TTC17: variants seen among roughly 807,000 people sequenced by gnomAD.
TTC17 encodes tetratricopeptide repeat domain 17, also known as tetratricopeptide repeat protein 17.
Under a neutral mutation model 143.8 loss-of-function variants are expected in TTC17, and 58 were observed. That is an observed-to-expected ratio of 0.40 (90% CI 0.33 to 0.50). The LOEUF (loss-of-function observed/expected upper bound fraction) is 0.50, where lower values mean the gene tolerates loss of function less well. Ranked by LOEUF, TTC17 falls within the 20% of genes least tolerant of loss-of-function variation. The probability of loss-of-function intolerance (pLI) is 0.49; values close to 1 mark genes in which losing one functional copy is unlikely to be tolerated. For synonymous variants in TTC17, 501 were observed against 497.8 expected (o/e 1.01, Z -0.09); for missense variants, 1,273 against 1,392.5 (o/e 0.91, Z 1.37).
In TTC17 at chr11:43,404,150, T is replaced by C. The variant is rs752374874; in HGVS notation, c.1479+6T>C. ...GGGACTCTGATGCATATAGGGTAAG[T>C]TAATAGAGGATGACGAAGCAGTTTT... On this transcript the variant is annotated splice_donor_region_variant and intron_variant, in intron 11 of 23. Transcript: ENST00000039989. The C allele has an allele frequency of 1.3e-6, 2 of 1,599,974 alleles. No homozygotes were observed. Among genetic ancestry groups the C allele is most frequent in the Non-Finnish European group, 1.7e-6 (2 of 1,175,332 alleles).
At chr11:43,382,593 AAT>A (rs1464634349) in intron 2 of TTC17, among the ~76,000 whole-genome samples, 1 of 152,268 alleles carries the variant, frequency 6.6e-6, no homozygotes, top group Non-Finnish European at 1.5e-5. Context: ...CTTGCCAAAA[AAT>A]AATCAAACCA....
At chr11:43,468,457 A>C (rs1948024153) in intron 21 of TTC17, 1 of 152,172 alleles carries the variant, frequency 6.6e-6, no homozygotes, top group African/African-American at 2.4e-5. Flanking sequence ...TAGAAGAAAA[A>C]ACCCATACCT....
chr11:43,462,013 G>A (rs917562757), intron 21 of TTC17, among the ~76,000 whole-genome samples: 1 of 151,216 alleles, frequency 6.6e-6, no homozygotes, highest in Non-Finnish European at 1.5e-5. Flanking sequence ...TAGTACAATG[G>A]CGAATATAGA....
intron 16 of TTC17, among the ~76,000 whole-genome samples, chr11:43,432,466 A>G: frequency 6.6e-6 from 1 of 152,204 alleles, no homozygotes; most frequent in East Asian, 1.9e-4. Flanking sequence ...ATTAGATGCT[A>G]AATGCTTTGC....
chr11:43,417,646 G>C (rs908908859), intron 16 of TTC17, among the ~76,000 whole-genome samples: 2 of 152,094 alleles, frequency 1.3e-5, no homozygotes, highest in African/African-American at 4.8e-5. Context: ...GACCAGCCTG[G>C]CCAACATGGT....
At chr11:43,451,335 C>A in intron 21 of TTC17, 70 bp downstream of exon 21, 1 of 1,405,832 alleles carries the variant, frequency 7.1e-7, no homozygotes, top group East Asian at 2.3e-5. Context: ...TTATTTGCTC[C>A]TAAGTGTCTG....
At chr11:43,450,054 A>C (rs767478179) in intron 19 of TTC17, 28 bp from the exon 20 acceptor site, 3 of 1,601,406 alleles carry the variant, frequency 1.9e-6, no homozygotes, top group East Asian at 2.3e-5. Flanking sequence ...AATTTCCCAT[A>C]GCTAATGTGG....
chr11:43,467,951 G>T (rs956860927), intron 21 of TTC17, among the ~76,000 whole-genome samples: 1 of 150,944 alleles, frequency 6.6e-6, no homozygotes, highest in Non-Finnish European at 1.5e-5. Flanking sequence ...GTTTGAAGAG[G>T]TAATGGCTCA....
chr11:43,375,001 A>G (rs1856709201), intron 1 of TTC17, among the ~76,000 whole-genome samples: 1 of 152,218 alleles, frequency 6.6e-6, no homozygotes, highest in Admixed American at 6.5e-5. Context: ...ATAACACATC[A>G]ATACTTTCTG....
At chr11:43,364,596 A>G (rs1856255848) in intron 1 of TTC17, among the ~76,000 whole-genome samples, 1 of 152,182 alleles carries the variant, frequency 6.6e-6, no homozygotes, top group Non-Finnish European at 1.5e-5. Flanking sequence ...GCATCTGCCA[A>G]ACCTTTGCAG....
rs185098530 is a variant in TTC17 at position 43,476,024 on chromosome 11, T to A, written c.3031-14215T>A. On this transcript the variant is annotated intron_variant, in intron 21 of 23. Coordinates refer to ENST00000039989, the MANE Select transcript of TTC17 (RefSeq NM_018259.6). Reference sequence around the variant, plus strand: ...GTTTTATCAGTTTTAAAATACAAAGTTCCTAGCTTTATTTGCTGAAAAAAC... The same window carrying A: ...GTTTTATCAGTTTTAAAATACAAAGATCCTAGCTTTATTTGCTGAAAAAAC... Among the ~76,000 whole-genome samples, 119 of 152,304 alleles carry A rather than the reference T, an allele frequency of 7.8e-4. 2 individuals carry two copies. In the East Asian group the frequency reaches 0.02, roughly 25 times the overall value.
At chr11:43,379,605 A>T (rs1358634437) in intron 2 of TTC17, among the ~76,000 whole-genome samples, 1 of 152,166 alleles carries the variant, frequency 6.6e-6, no homozygotes, top group African/African-American at 2.4e-5. Flanking sequence ...CTGTGTTTTT[A>T]AGTTTTTTCC....
intron 21 of TTC17, among the ~76,000 whole-genome samples, chr11:43,488,609 C>T (rs1216222133): frequency 2.0e-5 from 3 of 151,898 alleles, no homozygotes; most frequent in Non-Finnish European, 4.4e-5. Context: ...TTTTACTTTA[C>T]AGCAGATTAA....
At chr11:43,452,170 A>G (rs1413216549) in intron 21 of TTC17, among the ~76,000 whole-genome samples, 1 of 152,192 alleles carries the variant, frequency 6.6e-6, no homozygotes, top group Non-Finnish European at 1.5e-5. Flanking sequence ...AATCCTGAGT[A>G]ATAAAAACAG....
intron 2 of TTC17, among the ~76,000 whole-genome samples, chr11:43,387,448 A>G (rs1238531844): frequency 6.6e-6 from 1 of 152,094 alleles, no homozygotes; most frequent in Non-Finnish European, 1.5e-5. Flanking sequence ...GCAGGATAGC[A>G]TATCTCCATG....
At chr11:43,454,073 C>G (rs928030592) in intron 21 of TTC17, among the ~76,000 whole-genome samples, 13 of 152,056 alleles carry the variant, frequency 8.5e-5, no homozygotes, top group Admixed American at 7.9e-4. Context: ...ATTGTTTGAG[C>G]TCTGAAAATG....
chr11:43,414,474 G>A lies in TTC17; in HGVS notation c.2065-116G>A, dbSNP rs1590381744. 1.1e-5 allele frequency: 11 copies of A among 1,007,982 alleles called. No homozygotes were observed. In the Admixed American group the frequency reaches 2.6e-4, roughly 24 times the overall value. The allele number at this position is 1,007,982 out of a possible 1,614,324, so 62.4% of individuals were successfully genotyped here. On this transcript the variant is annotated intron_variant, in intron 15 of 23. Transcript: ENST00000039989. ...CTGGTATGAATAAAATGGATAGTTA[G>A]CAATAACGTTTATGGGGTAACCTAA...
At chr11:43,440,661 C>T (rs576771327) in intron 16 of TTC17, among the ~76,000 whole-genome samples, 1 of 152,268 alleles carries the variant, frequency 6.6e-6, no homozygotes, top group South Asian at 2.1e-4. Flanking sequence ...TTGTCCAACA[C>T]CCCAGTTCCG....
intron 21 of TTC17, among the ~76,000 whole-genome samples, chr11:43,481,813 T>G (rs1948292970): frequency 6.6e-6 from 1 of 152,038 alleles, no homozygotes; most frequent in Non-Finnish European, 1.5e-5. Context: ...ATTTTTTTTG[T>G]TGTTGGGGAA....
Sources: gnomAD v4.1 joint callset for allele counts (sites outside exome capture counted in the v4.1 genomes callset) on GRCh38, gnomAD v4.1.1 for gene constraint, MANE v1.5 for transcripts, NCBI Gene and HGNC (gene_info 2026-07-23, HGNC 2026-07-21) for gene names.